Variants in PCDH15 observed in about 807,000 individuals in gnomAD.
PCDH15 encodes the protein protocadherin-15.
PCDH15 carries 129 observed loss-of-function variants against 178.5 expected under a neutral mutation model. That is an observed-to-expected ratio of 0.72 (90% confidence interval 0.63 to 0.84). The LOEUF (loss-of-function observed/expected upper bound fraction) is 0.84, where lower values mean the gene tolerates loss of function less well. PCDH15 is among the 40% of genes least tolerant of loss of function. PCDH15 has a pLI of 0.00. For synonymous variants in PCDH15, 800 were observed against 732.0 expected (o/e 1.09, Z -1.50); for missense variants, 2,230 against 2,099.9 (o/e 1.06, Z -1.21).
chr10:54,743,565 A>G (rs1191853908), intron 1 of PCDH15, among the ~76,000 whole-genome samples: 1 of 152,010 alleles, frequency 6.6e-6, no homozygotes, highest in Non-Finnish European at 1.5e-5. Flanking sequence ...TTAAGCTTAT[A>G]CGAATACACT....
At chr10:54,253,442 G>T (rs992665651) in intron 8 of PCDH15, among the ~76,000 whole-genome samples, 5 of 151,938 alleles carry the variant, frequency 3.3e-5, no homozygotes, top group African/African-American at 1.2e-4. Context: ...AGAATATTGA[G>T]AAATCTGTGA....
intron 1 of PCDH15, among the ~76,000 whole-genome samples, chr10:54,788,814 A>C (rs1466982474): frequency 6.6e-6 from 1 of 151,674 alleles, no homozygotes; most frequent in Non-Finnish European, 1.5e-5. Context: ...TCTCAGAAAA[A>C]TAGTAAAGGT....
chr10:54,042,179 G>A (rs1055366934), intron 18 of PCDH15, among the ~76,000 whole-genome samples: 6 of 152,016 alleles, frequency 3.9e-5, no homozygotes, highest in African/African-American at 1.2e-4. Context: ...TAACGTCTTG[G>A]GTGATGGTAA....
At chr10:53,998,462 T>G (rs2091960821) in intron 20 of PCDH15, among the ~76,000 whole-genome samples, 1 of 152,116 alleles carries the variant, frequency 6.6e-6, no homozygotes, top group Non-Finnish European at 1.5e-5. Flanking sequence ...TTTTATTTAT[T>G]TATTTGCTAC....
chr10:54,337,035 G>A (rs1941306278), intron 6 of PCDH15, among the ~76,000 whole-genome samples: 1 of 152,022 alleles, frequency 6.6e-6, no homozygotes, highest in South Asian at 2.1e-4. Flanking sequence ...TTTAAGATTT[G>A]ACTGCCCCAC....
At chr10:55,623,947 C>G (rs544392275) in intron 2 of PCDH15, among the ~76,000 whole-genome samples, 1 of 152,096 alleles carries the variant, frequency 6.6e-6, no homozygotes, top group Non-Finnish European at 1.5e-5. Flanking sequence ...GGACTACTCT[C>G]TCTCTCACCC....
At chr10:53,933,829 GC>G (rs1404456768) in intron 25 of PCDH15, among the ~76,000 whole-genome samples, 5 of 152,112 alleles carry the variant, frequency 3.3e-5, no homozygotes, top group Non-Finnish European at 5.9e-5. Context: ...ATCCTCTCCA[GC>G]ACCTGTTGTT....
chr10:53,927,026 G>A (rs1341924489), intron 25 of PCDH15, among the ~76,000 whole-genome samples: 1 of 152,070 alleles, frequency 6.6e-6, no homozygotes, highest in African/African-American at 2.4e-5. Flanking sequence ...CAGGGGCCAT[G>A]TGACAAAAAA....
At chr10:55,137,650 GT>G (rs1327666305) in intron 2 of PCDH15, among the ~76,000 whole-genome samples, 3 of 151,976 alleles carry the variant, frequency 2.0e-5, no homozygotes, top group African/African-American at 4.8e-5. Flanking sequence ...GTCAAATATT[GT>G]TTTATGTGCT....
intron 3 of PCDH15, among the ~76,000 whole-genome samples, chr10:54,841,519 C>A (rs9633611): frequency 0.15 from 22,800 of 151,258 alleles, 2,172 homozygotes; most frequent in Non-Finnish European, 0.22. Context: ...TCTTTTCAGG[C>A]CTAAGTTAGC....
intron 2 of PCDH15, among the ~76,000 whole-genome samples, chr10:55,370,458 CT>C: frequency 6.6e-6 from 1 of 152,094 alleles, no homozygotes; most frequent in South Asian, 2.1e-4. Flanking sequence ...TGAAATATGC[CT>C]TTTTCTGAAT....
intron 2 of PCDH15, among the ~76,000 whole-genome samples, chr10:55,329,867 C>A (rs1349085474): frequency 6.6e-6 from 1 of 151,674 alleles, no homozygotes; most frequent in African/African-American, 2.4e-5. Context: ...AACACCTTCC[C>A]AAGACCTATT....
chr10:54,758,937 T>C (rs1339857266), intron 1 of PCDH15, among the ~76,000 whole-genome samples: 1 of 152,172 alleles, frequency 6.6e-6, no homozygotes, highest in African/African-American at 2.4e-5. Flanking sequence ...TTGCCTCCTA[T>C]AGGTCTGGCT....
chr10:54,575,358 T>TA (rs2090355746), intron 2 of PCDH15: 1 of 153,276 alleles, frequency 6.5e-6, no homozygotes. Flanking sequence ...TTTGATTTAA[T>TA]AAACCAGATA....
chr10:55,547,902 T>TGG (rs1589130299), intron 2 of PCDH15, among the ~76,000 whole-genome samples: 1 of 57,678 alleles, frequency 1.7e-5, no homozygotes, highest in East Asian at 1.1e-3. Context: ...TGTGTCTGTG[T>TGG]GTGTGTGTGA....
chr10:54,956,829 T>TA (rs970261892), intron 2 of PCDH15, among the ~76,000 whole-genome samples: 1 of 151,698 alleles, frequency 6.6e-6, no homozygotes, highest in Admixed American at 6.6e-5. Context: ...TTATGTCACT[T>TA]AAAACTTTTG....
Position 55,445,478 on chromosome 10 carries a change from A to G in PCDH15, c.-156+182147T>C, listed in dbSNP as rs184244441. 1.6e-3 allele frequency among the ~76,000 whole-genome samples: 250 copies of G among 152,242 alleles called. 1 individual carries two copies. Among genetic ancestry groups the G allele is most frequent in the African/African-American group, 5.7e-3 (235 of 41,564 alleles). On this transcript the variant is annotated intron_variant, in intron 2 of 5. Coordinates refer to the PCDH15 transcript ENST00000613346. ...TTTCTGAGCCTCAGTTTCATCTTTA[A>G]AAGAAATATTAATAGTAGTAATTAT...
intron 21 of PCDH15, among the ~76,000 whole-genome samples, chr10:53,964,380 A>ATTTATAAATTTTATTTATTCATAAATTT (rs2088722929): frequency 8.5e-6 from 1 of 117,934 alleles, no homozygotes; most frequent in African/African-American, 3.3e-5. Flanking sequence ...AAAAAAATTT[A>ATTTATAAATTTTATTTATTCATAAATTT]TTTATAAATT....
chr10:55,519,457 T>A (rs1159996585), intron 2 of PCDH15, among the ~76,000 whole-genome samples: 1 of 152,006 alleles, frequency 6.6e-6, no homozygotes, highest in East Asian at 1.9e-4. Context: ...AAAGGCAAGA[T>A]ACACGACCCC....
Sources: gnomAD v4.1 joint callset for allele counts (sites outside exome capture counted in the v4.1 genomes callset) on GRCh38, gnomAD v4.1.1 for gene constraint, MANE v1.5 for transcripts, NCBI Gene and HGNC (gene_info 2026-07-23, HGNC 2026-07-21) for gene names.